The following KLHL18 variants were observed in gnomAD, a reference collection of about 807,000 sequenced individuals.
KLHL18 encodes the protein kelch-like protein 18.
In KLHL18, 38 loss-of-function variants were observed where a neutral mutation model predicts 58.5. That is an observed-to-expected ratio of 0.65 (90% CI 0.50 to 0.85). KLHL18 has a LOEUF of 0.85. Among genes scored for constraint, KLHL18 ranks in the 40% least tolerant of loss-of-function variants. The probability of loss-of-function intolerance (pLI) is 0.00; values close to 1 mark genes in which losing one functional copy is unlikely to be tolerated. For synonymous variants in KLHL18, 303 were observed against 301.9 expected, an observed-to-expected ratio of 1.00 and a Z score of -0.04; for missense variants, 624 against 778.4, an observed-to-expected ratio of 0.80 and a Z score of 2.36.
intron 1 of KLHL18, among the ~76,000 whole-genome samples, chr3:47,303,733 C>T (rs1164352489): frequency 1.3e-5 from 2 of 151,968 alleles, no homozygotes; most frequent in Non-Finnish European, 2.9e-5. Flanking sequence ...ATTTCATTCC[C>T]TTTTTAAATT....
rs1703656163 is a variant in KLHL18 at position 47,324,273 on chromosome 3, C to T, written c.401+1565C>T. Among the ~76,000 whole-genome samples, 3 of 44,452 alleles carry T rather than the reference C, an allele frequency of 6.7e-5. No homozygotes were observed. The South Asian group carries it at 2.6e-3, about 39-fold the overall frequency. 29.2% of individuals were successfully genotyped at this position (44,452 alleles called of 152,430 possible). ...TTTTCCCACAGAACTTGGAAAATGA[C>T]TTCCTTTTTTCTTTTTCTTTCTTTC... On this transcript the variant is annotated intron_variant, in intron 3 of 9. Coordinates refer to ENST00000232766, the MANE Select transcript of KLHL18 (RefSeq NM_025010.5).
chr3:47,305,024 C>CA (rs1266274843), intron 1 of KLHL18, among the ~76,000 whole-genome samples: 98 of 115,268 alleles, frequency 8.5e-4, no homozygotes, highest in Admixed American at 1.5e-3. Context: ...GATCCTGTTT[C>CA]AAAAAAAAAA....
chr3:47,327,148 A>G (rs1230764621), intron 3 of KLHL18, among the ~76,000 whole-genome samples: 2 of 152,314 alleles, frequency 1.3e-5, no homozygotes, highest in Non-Finnish European at 2.9e-5. Flanking sequence ...CTGAGCCAGG[A>G]GAATCACTTG....
At chr3:47,285,976 G>A (rs1017619426) in intron 1 of KLHL18, among the ~76,000 whole-genome samples, 1 of 151,670 alleles carries the variant, frequency 6.6e-6, no homozygotes, top group Non-Finnish European at 1.5e-5. Context: ...GGAGGCAGAG[G>A]CTGCAGTGAG....
At position 47,282,978 on chromosome 3, in the gene KLHL18, G is replaced by C. The variant is rs375920025; in HGVS notation, c.13G>C (p.Gly5Arg). Residue 5 changes from glycine to arginine, a missense_variant, in exon 1 of 10, where the codon GGC (glycine) becomes CGC (arginine). Physicochemically the swap from Gly to Arg is moderately radical, Grantham distance 125. Transcript: ENST00000232766. ...GCGGCCGGGGAAGATGGTGGAGGACGGCGCGGAGGAGCTGGAGGATCTGGT... is the reference window on the plus strand; with the variant it reads ...GCGGCCGGGGAAGATGGTGGAGGACCGCGCGGAGGAGCTGGAGGATCTGGT... MVED[G>R]AEELEDLVHF... 3 of 1,610,588 alleles carry C rather than the reference G, an allele frequency of 1.9e-6. No individual in the cohort carries two copies. The highest frequency in any genetic ancestry group is 2.2e-5 in the East Asian group (1 of 44,704).
intron 9 of KLHL18, among the ~76,000 whole-genome samples, chr3:47,343,197 G>A (rs1319319853): frequency 1.3e-5 from 2 of 152,184 alleles, no homozygotes; most frequent in Non-Finnish European, 2.9e-5. Flanking sequence ...CTGTAAAAAA[G>A]GCTCAACAGC....
chr3:47,322,573 T>C lies in KLHL18; in HGVS notation c.266T>C (p.Leu89Pro). The C allele has an allele frequency of 6.2e-7, 1 of 1,602,862 alleles. No homozygotes were observed. The highest frequency in any genetic ancestry group is 8.5e-7 in the Non-Finnish European group (1 of 1,175,158). Reference sequence around the variant, plus strand: ...GCTTTCCCTCTTTCCTCTAGTGCCCTGGAGGCTCTGATCAACTTTGCCTAC... The same window carrying C: ...GCTTTCCCTCTTTCCTCTAGTGCCCCGGAGGCTCTGATCAACTTTGCCTAC... The part of the protein sequence containing the change: ...IVMQGMDPSA[L>P]EALINFAYNG... Residue 89 changes from leucine (L) to proline (P), a missense_variant, in exon 3 of 10, where the codon CTG becomes CCG. Coordinates refer to ENST00000232766, the MANE Select transcript of KLHL18 (RefSeq NM_025010.5).
intron 5 of KLHL18, among the ~76,000 whole-genome samples, chr3:47,333,568 G>A (rs1404001067): frequency 6.6e-6 from 1 of 152,244 alleles, no homozygotes; most frequent in African/African-American, 2.4e-5. Flanking sequence ...TGAGTTATCT[G>A]AGGATTTTCC....
intron 7 of KLHL18, chr3:47,338,754 CG>C (rs1704041850): frequency 6.6e-6 from 1 of 152,044 alleles, no homozygotes; most frequent in Admixed American, 6.5e-5. Flanking sequence ...ACCGGGGAGG[CG>C]GGGGTTGCAA....
intron 1 of KLHL18, 52 bp from the exon 2 acceptor site, chr3:47,319,600 GT>G (rs1703536916): frequency 6.3e-7 from 1 of 1,579,806 alleles, no homozygotes. Context: ...TTGTTTGTTT[GT>G]TTTTGTTTTG....
intron 1 of KLHL18, among the ~76,000 whole-genome samples, chr3:47,310,759 C>T (rs1482289712): frequency 6.6e-6 from 1 of 152,200 alleles, no homozygotes; most frequent in East Asian, 1.9e-4. Context: ...TCTTTTCCCT[C>T]ACTCCCACAT....
At chr3:47,325,145 C>T (rs1416145178) in intron 3 of KLHL18, among the ~76,000 whole-genome samples, 1 of 152,072 alleles carries the variant, frequency 6.6e-6, no homozygotes, top group South Asian at 2.1e-4. Flanking sequence ...CTCCCCACTT[C>T]GTATGTGCCC....
intron 1 of KLHL18, chr3:47,297,461 T>G: frequency 2.3e-6 from 1 of 430,866 alleles, no homozygotes; most frequent in Non-Finnish European, 4.7e-6. Flanking sequence ...TGTGGTCTGT[T>G]TATTTCTTCA....
chr3:47,285,906 T>C (rs1309871880), intron 1 of KLHL18, among the ~76,000 whole-genome samples: 1 of 152,066 alleles, frequency 6.6e-6, no homozygotes, highest in African/African-American at 2.4e-5. Context: ...TGTAGTGGTG[T>C]GTACCTTTAG....
chr3:47,317,108 A>G (rs1703473186), intron 1 of KLHL18, among the ~76,000 whole-genome samples: 1 of 152,132 alleles, frequency 6.6e-6, no homozygotes, highest in African/African-American at 2.4e-5. Flanking sequence ...AGGCTCTACT[A>G]GAAGACACAT....
chr3:47,320,107 T>C (rs1438251508), intron 2 of KLHL18, among the ~76,000 whole-genome samples: 1 of 151,994 alleles, frequency 6.6e-6, no homozygotes, highest in African/African-American at 2.4e-5. Flanking sequence ...TTTTCTGGGC[T>C]AGTCATTTTA....
In KLHL18 at chr3:47,342,804, C is replaced by T; in HGVS notation, c.1312C>T (p.His438Tyr). 6.2e-7 allele frequency: 1 copy of T among 1,614,112 alleles called. No homozygotes were observed. The highest frequency in any genetic ancestry group is 8.5e-7 in the Non-Finnish European group (1 of 1,179,946). ...GGGCAGGATATATGTGTCAGGCGGC[C>T]ATGATGGTTTGCAGATCTTCAGCAG... ...FEGRIYVSGG[H>Y]DGLQIFSSVE... is the part of the protein sequence containing the mutation. The change falls in exon 9 of 10, where the codon CAT (histidine) becomes TAT (tyrosine). Residue 438 changes from histidine to tyrosine, a missense_variant. Transcript: ENST00000232766.
chr3:47,308,431 C>T (rs1703200072), intron 1 of KLHL18, among the ~76,000 whole-genome samples: 1 of 152,126 alleles, frequency 6.6e-6, no homozygotes, highest in Non-Finnish European at 1.5e-5. Flanking sequence ...TGTTCTGTCC[C>T]CCAGGCTGGA....
At chr3:47,325,899 G>A (rs1278200975) in intron 3 of KLHL18, among the ~76,000 whole-genome samples, 6 of 151,580 alleles carry the variant, frequency 4.0e-5, no homozygotes, top group African/African-American at 1.5e-4. Flanking sequence ...CTCCGGAGTA[G>A]CAGGATTACA....
Sources: allele counts gnomAD v4.1 joint callset (sites outside exome capture counted in the v4.1 genomes callset), GRCh38; gene constraint gnomAD v4.1.1; transcripts MANE v1.5; gene names NCBI Gene and HGNC (gene_info 2026-07-23, HGNC 2026-07-21).